Variants in FMN1 observed in about 807,000 individuals in gnomAD.
FMN1 encodes formin 1, also known as formin-1.
Under a neutral mutation model 132.4 loss-of-function variants are expected in FMN1, and 110 were observed. The ratio of observed to expected loss-of-function variants is 0.83; its 90% CI spans 0.71 to 0.97. The LOEUF (loss-of-function observed/expected upper bound fraction) is 0.97, where lower values mean the gene tolerates loss of function less well. Among genes scored for constraint, FMN1 ranks in the 50% least tolerant of loss-of-function variants. FMN1 has a pLI of 0.00. For missense variants in FMN1, 1,792 were observed against 1,705.3 expected (o/e 1.05, Z -0.90); for synonymous variants, 722 against 651.7 (o/e 1.11, Z -1.64).
chr15:32,862,496 A>G (rs2059293585), intron 16 of FMN1, among the ~76,000 whole-genome samples: 1 of 152,248 alleles, frequency 6.6e-6, no homozygotes, highest in South Asian at 2.1e-4. Context: ...TACAGGTTAA[A>G]CACTGGTGGA....
chr15:33,031,506 T>C (rs994335812), intron 6 of FMN1, among the ~76,000 whole-genome samples: 4 of 152,206 alleles, frequency 2.6e-5, no homozygotes, highest in Middle Eastern at 3.2e-3. Flanking sequence ...CAGGTTTTTT[T>C]CCACTTGGCC....
At chr15:32,797,503 T>C (rs1278347241) in intron 19 of FMN1, among the ~76,000 whole-genome samples, 1 of 152,204 alleles carries the variant, frequency 6.6e-6, no homozygotes, top group Non-Finnish European at 1.5e-5. Flanking sequence ...GCTAAATAAG[T>C]GATGGCAGGG....
chr15:33,089,012 G>A (rs895826634), intron 4 of FMN1, 38 bp from the exon 5 acceptor site: 10 of 1,492,068 alleles, frequency 6.7e-6, no homozygotes, highest in Non-Finnish European at 7.1e-6. Flanking sequence ...TGACATGGCA[G>A]CCAAATAAAT....
intron 17 of FMN1, among the ~76,000 whole-genome samples, chr15:32,852,287 T>C (rs2059026542): frequency 6.6e-6 from 1 of 152,240 alleles, no homozygotes; most frequent in African/African-American, 2.4e-5. Context: ...CTCTGTTTCA[T>C]TTTGTACATC....
At chr15:32,879,783 A>C (rs1251134152) in intron 16 of FMN1, among the ~76,000 whole-genome samples, 1 of 152,162 alleles carries the variant, frequency 6.6e-6, no homozygotes, top group African/African-American at 2.4e-5. Flanking sequence ...TCAGTTCAGT[A>C]CTATTTTCAA....
At chr15:32,932,166 A>C (rs1210725789) in intron 9 of FMN1, among the ~76,000 whole-genome samples, 2 of 152,162 alleles carry the variant, frequency 1.3e-5, no homozygotes, top group Non-Finnish European at 2.9e-5. Context: ...TGGGAGGCCG[A>C]GGTAGGCGGA....
chr15:32,913,135 A>G (rs1005214086), intron 10 of FMN1, among the ~76,000 whole-genome samples: 3 of 152,090 alleles, frequency 2.0e-5, no homozygotes, highest in Non-Finnish European at 4.4e-5. Flanking sequence ...AGTCCTTTAA[A>G]ACCCCACTCA....
chr15:33,072,931 A>T (rs1243918093), intron 5 of FMN1, among the ~76,000 whole-genome samples: 1 of 151,982 alleles, frequency 6.6e-6, no homozygotes, highest in Non-Finnish European at 1.5e-5. Context: ...TCAAAAAAAA[A>T]AAAAAACAAA....
At chr15:33,023,919 A>G (rs345855) in intron 6 of FMN1, among the ~76,000 whole-genome samples, 59,867 of 151,798 alleles carry the variant, frequency 0.39, 12,111 homozygotes, top group Admixed American at 0.48. Context: ...TGATTCAGCT[A>G]TATTAAAATA....
chr15:33,150,229 C>T (rs1964388971), intron 4 of FMN1: 1 of 985,250 alleles, frequency 1.0e-6, no homozygotes, highest in African/African-American at 1.7e-5. Context: ...GAAAGGAATC[C>T]TAGCACCAAG....
At chr15:33,114,430 A>T (rs57317591) in intron 4 of FMN1, among the ~76,000 whole-genome samples, 3,437 of 152,358 alleles carry the variant, frequency 0.023, 126 homozygotes, top group African/African-American at 0.079. Context: ...TTTGCAAAGA[A>T]TCTGCATAAG....
intron 17 of FMN1, among the ~76,000 whole-genome samples, chr15:32,841,182 C>T (rs1309421516): frequency 6.6e-6 from 1 of 152,184 alleles, no homozygotes; most frequent in East Asian, 1.9e-4. Flanking sequence ...ACTTTTCTAG[C>T]TTATTCCTTC....
intron 6 of FMN1, among the ~76,000 whole-genome samples, chr15:33,028,102 C>A (rs1009266861): frequency 6.6e-6 from 1 of 152,190 alleles, no homozygotes; most frequent in Non-Finnish European, 1.5e-5. Context: ...ATATTACAAT[C>A]ACCTGGGGAG....
chr15:32,817,742 G>T (rs74750792), intron 17 of FMN1, among the ~76,000 whole-genome samples: 2,543 of 152,316 alleles, frequency 0.017, 84 homozygotes, highest in African/African-American at 0.058. Context: ...TGACCACACT[G>T]CTTCTAAGTC....
intron 7 of FMN1, among the ~76,000 whole-genome samples, chr15:32,983,637 G>C (rs1202424640): frequency 6.6e-6 from 1 of 151,994 alleles, no homozygotes; most frequent in Non-Finnish European, 1.5e-5. Flanking sequence ...GGCTTCCACA[G>C]CAAGATTCTG....
At chr15:32,790,431 C>A (rs2057035267) in intron 19 of FMN1, among the ~76,000 whole-genome samples, 1 of 152,156 alleles carries the variant, frequency 6.6e-6, no homozygotes, top group East Asian at 1.9e-4. Context: ...ATGGTGAAGC[C>A]AAGGCATTTA....
At chr15:33,129,159 A>T (rs936988925) in intron 4 of FMN1, among the ~76,000 whole-genome samples, 1 of 152,216 alleles carries the variant, frequency 6.6e-6, no homozygotes, top group Non-Finnish European at 1.5e-5. Flanking sequence ...TTTAAAGCTC[A>T]ATGTAACTCG....
At chr15:32,937,417 T>C (rs527630422) in intron 9 of FMN1, among the ~76,000 whole-genome samples, 3 of 152,348 alleles carry the variant, frequency 2.0e-5, no homozygotes, top group African/African-American at 7.2e-5. Flanking sequence ...ACTGGTTTCA[T>C]GCTCACCTGG....
intron 5 of FMN1, among the ~76,000 whole-genome samples, chr15:33,085,923 G>T: frequency 6.6e-6 from 1 of 152,152 alleles, no homozygotes; most frequent in South Asian, 2.1e-4. Flanking sequence ...GCTTGCAACA[G>T]CCTGGATAAG....
Sources: allele counts gnomAD v4.1 joint callset (sites outside exome capture counted in the v4.1 genomes callset), GRCh38; gene constraint gnomAD v4.1.1; transcripts MANE v1.5; gene names NCBI Gene and HGNC (gene_info 2026-07-23, HGNC 2026-07-21).